The following SLC39A11 variants were observed in gnomAD, a reference collection of about 807,000 sequenced individuals.
SLC39A11 encodes zinc transporter ZIP11.
Under a neutral mutation model 36.1 loss-of-function variants are expected in SLC39A11, and 33 were observed. That is an observed-to-expected ratio of 0.91 (90% CI 0.69 to 1.22). SLC39A11 has a LOEUF of 1.22. SLC39A11 is among the 50% of genes most tolerant of loss of function. The pLI is 0.00. For missense variants in SLC39A11, 432 were observed against 430.3 expected (o/e 1.00, Z -0.03); for synonymous variants, 166 against 170.3 (o/e 0.97, Z 0.20).
intron 7 of SLC39A11, chr17:72,712,677 C>T (rs1047717058): frequency 6.6e-6 from 1 of 151,482 alleles, no homozygotes; most frequent in African/African-American, 2.4e-5. Context: ...GAAGGTAACC[C>T]TCCCCTAGAA....
intron 6 of SLC39A11, among the ~76,000 whole-genome samples, chr17:72,819,927 A>G (rs928143948): frequency 6.6e-6 from 1 of 151,058 alleles, no homozygotes; most frequent in Non-Finnish European, 1.5e-5. Flanking sequence ...GCTGTCCCCA[A>G]ACTCAATCCT....
intron 3 of SLC39A11, among the ~76,000 whole-genome samples, chr17:73,037,562 A>G (rs1315295862): frequency 4.6e-5 from 7 of 152,360 alleles, no homozygotes; most frequent in African/African-American, 1.4e-4. Context: ...GGTAGAGAAC[A>G]AAAGTCCTTC....
intron 6 of SLC39A11, among the ~76,000 whole-genome samples, chr17:72,769,932 C>A (rs1242374689): frequency 6.6e-6 from 1 of 152,182 alleles, no homozygotes; most frequent in African/African-American, 2.4e-5. Flanking sequence ...GAAGCTCCCC[C>A]TGGCTTCCAG....
chr17:72,954,559 T>C (rs952609820), intron 4 of SLC39A11, among the ~76,000 whole-genome samples: 5 of 152,342 alleles, frequency 3.3e-5, no homozygotes, highest in Admixed American at 3.3e-4. Flanking sequence ...AGCCTCTGCC[T>C]CCTGCCATCC....
chr17:72,887,375 A>G (rs1250371682), intron 5 of SLC39A11, among the ~76,000 whole-genome samples: 1 of 152,202 alleles, frequency 6.6e-6, no homozygotes. Context: ...CAATGGGCTC[A>G]ACCACACTAA....
chr17:73,075,386 A>G (rs1456731606), intron 3 of SLC39A11, among the ~76,000 whole-genome samples: 1 of 152,192 alleles, frequency 6.6e-6, no homozygotes, highest in Non-Finnish European at 1.5e-5. Flanking sequence ...CTGACATCTT[A>G]TCTGGGTTTC....
At chr17:73,068,485 C>A (rs2060064996) in intron 3 of SLC39A11, among the ~76,000 whole-genome samples, 1 of 152,144 alleles carries the variant, frequency 6.6e-6, no homozygotes, top group Admixed American at 6.5e-5. Context: ...TTCCAAAGTA[C>A]AAACTCACTC....
intron 4 of SLC39A11, among the ~76,000 whole-genome samples, chr17:73,004,232 A>AAAGAAAGAAAAGAAAGAAAGAAAG: frequency 5.6e-5 from 5 of 88,710 alleles, no homozygotes; most frequent in Non-Finnish European, 9.8e-5. Flanking sequence ...AGAAAGAAAG[A>AAAGAAAGAAAAGAAAGAAAGAAAG]AAAGAAAGAA....
chr17:72,738,158 C>T (rs2074514989), intron 6 of SLC39A11, among the ~76,000 whole-genome samples: 2 of 152,106 alleles, frequency 1.3e-5, no homozygotes, highest in Admixed American at 1.3e-4. Context: ...GCGCCCGCTA[C>T]CACGCCCGTC....
At chr17:72,766,756 T>A (rs2075773700) in intron 6 of SLC39A11, among the ~76,000 whole-genome samples, 1 of 152,210 alleles carries the variant, frequency 6.6e-6, no homozygotes, top group Non-Finnish European at 1.5e-5. Flanking sequence ...AGCATTGCCA[T>A]CTTGGACAAG....
chr17:73,064,317 C>T (rs369148338), intron 3 of SLC39A11, among the ~76,000 whole-genome samples: 1 of 150,362 alleles, frequency 6.7e-6, no homozygotes. Context: ...CAGCTTCCAC[C>T]AACAAGCTAT....
rs184136696 is a variant in SLC39A11 at position 73,018,277 on chromosome 17, A to G, written c.306+13279T>C. ...AATTACTAGACATTCAGCCAGGTGCAGTGGCTCATGGTTGTAATCCAGGCA... is the reference window on the plus strand; with the variant it reads ...AATTACTAGACATTCAGCCAGGTGCGGTGGCTCATGGTTGTAATCCAGGCA... On this transcript the variant is annotated intron_variant, in intron 4 of 9. Transcript: ENST00000255559. Among the ~76,000 whole-genome samples the G allele has an allele frequency of 1.1e-3, 167 of 152,282 alleles. No homozygotes were observed. The East Asian group carries it at 0.018, about 16-fold the overall frequency.
intron 4 of SLC39A11, among the ~76,000 whole-genome samples, chr17:72,982,741 T>G (rs2088423256): frequency 6.6e-6 from 1 of 151,570 alleles, no homozygotes; most frequent in Non-Finnish European, 1.5e-5. Flanking sequence ...TGACAGAAAT[T>G]TGGTGATTCA....
chr17:73,050,352 C>T (rs576361265), intron 3 of SLC39A11, among the ~76,000 whole-genome samples: 4 of 138,046 alleles, frequency 2.9e-5, no homozygotes, highest in African/African-American at 7.9e-5. Context: ...AAGACCTTGG[C>T]AGAAGCAGAA....
intron 5 of SLC39A11, among the ~76,000 whole-genome samples, chr17:72,885,960 G>A (rs1490637380): frequency 6.6e-6 from 1 of 152,172 alleles, no homozygotes; most frequent in Non-Finnish European, 1.5e-5. Flanking sequence ...GCCCAATCCA[G>A]TGCTCCCATC....
At chr17:72,764,011 C>T (rs547241731) in intron 6 of SLC39A11, among the ~76,000 whole-genome samples, 2 of 152,072 alleles carry the variant, frequency 1.3e-5, no homozygotes, top group Non-Finnish European at 2.9e-5. Context: ...CCTGAGTACC[C>T]GAATAAAGCT....
intron 4 of SLC39A11, among the ~76,000 whole-genome samples, chr17:73,006,025 T>C (rs2090158681): frequency 6.6e-6 from 1 of 152,004 alleles, no homozygotes. Context: ...ACAATGCCTA[T>C]AGAGAGCCTG....
At chr17:72,832,450 T>C (rs2078327153) in intron 6 of SLC39A11, among the ~76,000 whole-genome samples, 1 of 152,342 alleles carries the variant, frequency 6.6e-6, no homozygotes, top group African/African-American at 2.4e-5. Context: ...TTTATCTCCG[T>C]GTCAAGGAGA....
intron 5 of SLC39A11, among the ~76,000 whole-genome samples, chr17:72,919,683 A>G (rs2083539111): frequency 6.8e-6 from 1 of 146,308 alleles, no homozygotes; most frequent in East Asian, 2.0e-4. Context: ...AAAAAAAAAA[A>G]AAGAAAAAAA....
Sources: allele counts gnomAD v4.1 joint callset (sites outside exome capture counted in the v4.1 genomes callset), GRCh38; gene constraint gnomAD v4.1.1; transcripts MANE v1.5; gene names NCBI Gene and HGNC (gene_info 2026-07-23, HGNC 2026-07-21).